Variants in KLHL18 observed in about 807,000 individuals in gnomAD.
KLHL18 encodes the protein kelch-like protein 18.
A neutral mutation model predicts 58.5 loss-of-function variants in KLHL18; 38 were observed. That is an observed-to-expected ratio of 0.65 (90% CI 0.50 to 0.85). KLHL18 has a LOEUF of 0.85. KLHL18 is among the 40% of genes least tolerant of loss of function. The probability of loss-of-function intolerance (pLI) is 0.00; values close to 1 mark genes in which losing one functional copy is unlikely to be tolerated. For synonymous variants in KLHL18, 303 were observed against 301.9 expected (o/e 1.00, Z -0.04); for missense variants, 624 against 778.4 (o/e 0.80, Z 2.36).
intron 1 of KLHL18, among the ~76,000 whole-genome samples, chr3:47,319,142 C>T (rs1703524526): frequency 6.6e-6 from 1 of 152,208 alleles, no homozygotes. Flanking sequence ...CCATACAGAG[C>T]AGCAGCCAGT....
chr3:47,297,067 AT>A (rs1158405502), intron 1 of KLHL18, among the ~76,000 whole-genome samples: 1 of 152,150 alleles, frequency 6.6e-6, no homozygotes, highest in African/African-American at 2.4e-5. Context: ...AGCTGTTCAT[AT>A]GGGACTGGAG....
chr3:47,307,634 C>T (rs1356649892), intron 1 of KLHL18, among the ~76,000 whole-genome samples: 3 of 151,938 alleles, frequency 2.0e-5, no homozygotes, highest in Non-Finnish European at 4.4e-5. Context: ...AGGCAGTCCT[C>T]CCACCTCGGC....
chr3:47,328,947 T>C (rs1482915817), intron 3 of KLHL18, among the ~76,000 whole-genome samples: 8 of 151,796 alleles, frequency 5.3e-5, no homozygotes, highest in African/African-American at 1.9e-4. Context: ...CTGGACAACA[T>C]GGTGAATCCC....
Position 47,344,016 on chromosome 3 carries a change from G to A in KLHL18, c.*75G>A. On this transcript the variant is annotated 3_prime_UTR_variant, in exon 10 of 10. Coordinates refer to ENST00000232766, the MANE Select transcript of KLHL18 (RefSeq NM_025010.5). ...CTTCCTTCCAGGAACAGTCCCTCAG[G>A]AGAGGCAGTGGACCAGAAGAGATGG... The A allele has an allele frequency of 5.1e-6, 8 of 1,554,494 alleles. No homozygotes were observed. The highest frequency in any genetic ancestry group is 6.9e-6 in the Non-Finnish European group (8 of 1,156,026).
rs1452676671 is a variant in KLHL18 at position 47,323,150 on chromosome 3, A to G, written c.401+442A>G. Among the ~76,000 whole-genome samples, 3 of 150,766 alleles carry G rather than the reference A, an allele frequency of 2.0e-5. No homozygotes were observed. In the East Asian group the frequency reaches 5.9e-4, roughly 29 times the overall value. ...GTCACCCAGGCTGGAGTGCAGTGGTATGATCTCGCCTCACTGCAACCTCTG... is the reference window on the plus strand; with the variant it reads ...GTCACCCAGGCTGGAGTGCAGTGGTGTGATCTCGCCTCACTGCAACCTCTG... On this transcript the variant is annotated intron_variant, in intron 3 of 9. Transcript: ENST00000232766.
rs773761578 is a variant in KLHL18, at chr3:47,336,612, C to T, written c.976C>T (p.Arg326Cys). ...WERCRPMTTA[R>C]SRVGVAVVNG... Reference sequence around the variant, plus strand: ...GAGATGCCGTCCCATGACAACAGCCCGCAGCCGCGTTGGCGTGGCTGTGGT... The same window carrying T: ...GAGATGCCGTCCCATGACAACAGCCTGCAGCCGCGTTGGCGTGGCTGTGGT... Residue 326 changes from arginine (R) to cysteine (C), a missense_variant, in exon 7 of 10, where the codon CGC (arginine) becomes TGC (cysteine). Transcript: ENST00000232766. 5.0e-6 allele frequency: 8 copies of T among 1,614,212 alleles called. No homozygotes were observed. Among genetic ancestry groups the T allele is most frequent in the East Asian group, 2.2e-5 (1 of 44,892 alleles).
chr3:47,342,741 A>G lies in KLHL18; in HGVS notation c.1249A>G (p.Ser417Gly). 4 of 1,614,058 alleles carry G rather than the reference A, an allele frequency of 2.5e-6. No homozygotes were observed. The highest frequency in any genetic ancestry group is 3.4e-6 in the Non-Finnish European group (4 of 1,179,980). Residue 417 changes from serine to glycine, a missense_variant, in exon 9 of 10, where the codon AGC becomes GGC. Transcript: ENST00000232766. ...AAGATGGACAGTGGTGACCTCGATG[A>G]GCTCGAATCGCAGTGCTGCTGGGGT... is the stretch of plus-strand genomic sequence containing the variant. ...TDKWTVVTSM[S>G]SNRSAAGVTV...
intron 3 of KLHL18, among the ~76,000 whole-genome samples, chr3:47,327,041 C>A (rs1703740344): frequency 6.6e-6 from 1 of 151,834 alleles, no homozygotes; most frequent in Non-Finnish European, 1.5e-5. Context: ...TAGTTGGAGA[C>A]CAGCCTGGCC....
chr3:47,324,591 G>A (rs375565732), intron 3 of KLHL18, among the ~76,000 whole-genome samples: 1 of 151,928 alleles, frequency 6.6e-6, no homozygotes, highest in African/African-American at 2.4e-5. Flanking sequence ...CCAGCATTTT[G>A]GGAGGCCAAG....
intron 1 of KLHL18, among the ~76,000 whole-genome samples, chr3:47,295,407 C>T (rs1476936114): frequency 1.3e-5 from 2 of 152,106 alleles, no homozygotes; most frequent in African/African-American, 2.4e-5. Flanking sequence ...TGACTGTGTT[C>T]CCCCTCCTCT....
intron 1 of KLHL18, among the ~76,000 whole-genome samples, chr3:47,311,200 G>A (rs552853971): frequency 3.8e-4 from 57 of 151,788 alleles, no homozygotes; most frequent in African/African-American, 9.9e-4. Context: ...TAGTAGAGAC[G>A]GGGTTTTACC....
chr3:47,296,331 A>G (rs940071596), intron 1 of KLHL18, among the ~76,000 whole-genome samples: 11 of 152,190 alleles, frequency 7.2e-5, no homozygotes, highest in Admixed American at 3.3e-4. Context: ...ACTTAAAAGT[A>G]TTTACTGAAT....
chr3:47,297,450 G>C (rs1235472915), intron 1 of KLHL18: 1 of 412,644 alleles, frequency 2.4e-6, no homozygotes, highest in East Asian at 7.2e-5. Flanking sequence ...AAAGTAGCTA[G>C]TGTGGTCTGT....
chr3:47,291,241 C>T (rs1160823862), intron 1 of KLHL18, among the ~76,000 whole-genome samples: 1 of 152,206 alleles, frequency 6.6e-6, no homozygotes, highest in African/African-American at 2.4e-5. Flanking sequence ...GTTCCTAGCC[C>T]TTCCCAAATT....
intron 2 of KLHL18, among the ~76,000 whole-genome samples, chr3:47,320,314 A>G (rs958819874): frequency 8.5e-5 from 13 of 152,176 alleles, no homozygotes; most frequent in African/African-American, 3.1e-4. Flanking sequence ...ACTGAATTTT[A>G]AATTTTGTTT....
At chr3:47,294,847 T>G (rs1314255762) in intron 1 of KLHL18, among the ~76,000 whole-genome samples, 1 of 152,180 alleles carries the variant, frequency 6.6e-6, no homozygotes, top group African/African-American at 2.4e-5. Context: ...GCTTGCACTT[T>G]CCCCTTCGGT....
chr3:47,291,825 T>A (rs929977242), intron 1 of KLHL18, among the ~76,000 whole-genome samples: 5 of 152,204 alleles, frequency 3.3e-5, no homozygotes, highest in Non-Finnish European at 7.3e-5. Flanking sequence ...TTACTACAGG[T>A]GATCATGGGA....
At chr3:47,307,198 AG>A (rs1703166148) in intron 1 of KLHL18, among the ~76,000 whole-genome samples, 2 of 152,104 alleles carry the variant, frequency 1.3e-5, no homozygotes, top group South Asian at 4.1e-4. Flanking sequence ...CAGCCTCCCA[AG>A]TAGCTGGGAT....
At chr3:47,295,644 T>C (rs1252326603) in intron 1 of KLHL18, among the ~76,000 whole-genome samples, 4 of 152,126 alleles carry the variant, frequency 2.6e-5, no homozygotes, top group Non-Finnish European at 5.9e-5. Flanking sequence ...CATAGTTCAT[T>C]GTAACCTCGA....
Sources: allele counts gnomAD v4.1 joint callset (sites outside exome capture counted in the v4.1 genomes callset), GRCh38; gene constraint gnomAD v4.1.1; transcripts MANE v1.5; gene names NCBI Gene and HGNC (gene_info 2026-07-23, HGNC 2026-07-21).